Variants in SORBS3 observed in about 807,000 individuals in gnomAD.
SORBS3 encodes sorbin and SH3 domain containing 3.
A neutral mutation model predicts 98.0 loss-of-function variants in SORBS3; 69 were observed. That is an observed-to-expected ratio of 0.70 (90% CI 0.58 to 0.86). SORBS3 has a LOEUF of 0.86. SORBS3 is among the 40% of genes least tolerant of loss of function. The pLI, the probability that SORBS3 is intolerant of heterozygous loss-of-function variation, is 0.00. For missense variants in SORBS3, 954 were observed against 908.5 expected (o/e 1.05, Z -0.64); for synonymous variants, 394 against 355.4 (o/e 1.11, Z -1.22).
In SORBS3 at chr8:22,556,634, T is replaced by C. The variant is rs993044758; in HGVS notation, c.221-81T>C. The C allele has an allele frequency of 2.6e-5, 33 of 1,250,276 alleles. No individual in the cohort carries two copies. In the South Asian group the frequency reaches 3.8e-4, roughly 15 times the overall value. 77.4% of individuals were successfully genotyped at this position (1,250,276 alleles called of 1,614,324 possible). A position where few individuals can be genotyped will look rare whatever the true frequency, so the allele number is the denominator to read the frequency against. ...GAAACTTTGAACCCACAGAGATCCA[T>C]GCTCTGAGGAGCTAAGGGACACACA... On this transcript the variant is annotated intron_variant, in intron 3 of 20. Coordinates refer to ENST00000240123, the MANE Select transcript of SORBS3 (RefSeq NM_005775.5).
chr8:22,553,173 C>T (rs962821863), intron 1 of SORBS3, among the ~76,000 whole-genome samples: 1 of 152,154 alleles, frequency 6.6e-6, no homozygotes, highest in Non-Finnish European at 1.5e-5. Context: ...CACTGTTCAG[C>T]TGACACCCCT....
chr8:22,573,205 C>T (rs571636102), intron 20 of SORBS3: 1 of 410,906 alleles, frequency 2.4e-6, no homozygotes, highest in South Asian at 1.8e-5. Flanking sequence ...GACCATTAAG[C>T]ACTAGCCTGT....
chr8:22,558,915 A>G (rs759154017), intron 5 of SORBS3, among the ~76,000 whole-genome samples: 2 of 152,216 alleles, frequency 1.3e-5, no homozygotes, highest in Non-Finnish European at 2.9e-5. Context: ...AGGTAGAAGC[A>G]TGTTCTGGAC....
At chr8:22,573,282 G>C (rs1481657604) in intron 20 of SORBS3, 1 of 453,778 alleles carries the variant, frequency 2.2e-6, no homozygotes, top group Non-Finnish European at 4.4e-6. Context: ...CAAATTTACT[G>C]GATACACTTT....
rs760874149 is a variant in SORBS3 at position 22,572,430 on chromosome 8, C to T, written c.1938C>T (p.Asp646=). The change falls in exon 20 of 21, where the codon GAC becomes GAT. Residue 646 remains aspartate, a synonymous_variant. Coordinates refer to ENST00000240123, the MANE Select transcript of SORBS3 (RefSeq NM_005775.5). ...GDRVDVMQQC[D]DGWFVGVSRR... ...GGGTGGATGTCATGCAGCAGTGTGA[C>T]GATGGCTGGTTTGTGGGTATGTGGG... The T allele has an allele frequency of 9.3e-6, 15 of 1,613,536 alleles. No individual in the cohort carries two copies. Among genetic ancestry groups the T allele is most frequent in the South Asian group, 2.2e-5 (2 of 91,084 alleles).
In SORBS3 at chr8:22,554,407, A is replaced by G; in HGVS notation, c.-55-45A>G. On this transcript the variant is annotated intron_variant, in intron 1 of 20. Transcript: ENST00000240123. This position sits in a 1 kb window ranked among gnomAD's most constrained non-coding sequence, Gnocchi z 6.5. ...AGGGTCGAGCCAAGAGGGCATGGGC[A>G]GCCTAGCCTAGCAGGGCTTTCCCTT... is the stretch of plus-strand genomic sequence containing the variant. The G allele has an allele frequency of 6.6e-7, 1 of 1,513,364 alleles. No individual in the cohort carries two copies. Among genetic ancestry groups the G allele is most frequent in the Non-Finnish European group, 8.8e-7 (1 of 1,138,188 alleles). The allele number at this position is 1,513,364 out of a possible 1,614,324, so 93.7% of individuals were successfully genotyped here.
In SORBS3 at chr8:22,554,747, CA is replaced by C; in HGVS notation, c.103-112del. The C allele has an allele frequency of 7.3e-7, 1 of 1,373,114 alleles. No homozygotes were observed. The highest frequency in any genetic ancestry group is 2.2e-4 in the Middle Eastern group (1 of 4,474). The allele number at this position is 1,373,114 out of a possible 1,614,324, so 85.1% of individuals were successfully genotyped here. The stretch of plus-strand genomic sequence containing the variant: ...TCTGGGGGGCCTCGCTGGTTTCCCA[CA>C]AAATCGTCAGGCGGGCCTGGGACTG... On this transcript the variant is annotated intron_variant, in intron 2 of 20. Coordinates refer to ENST00000240123, the MANE Select transcript of SORBS3 (RefSeq NM_005775.5). This position sits in a 1 kb window ranked among gnomAD's most constrained non-coding sequence, Gnocchi z 6.5.
upstream of SORBS3, among the ~76,000 whole-genome samples, chr8:22,548,067 G>A (rs980731059): frequency 9.2e-5 from 14 of 152,322 alleles, no homozygotes; most frequent in African/African-American, 3.4e-4. Flanking sequence ...CTGGCTGTCA[G>A]GCCCCAATAC....
At chr8:22,549,716 T>TC (rs1206397593), upstream of SORBS3, among the ~76,000 whole-genome samples, 1 of 152,132 alleles carries the variant, frequency 6.6e-6, no homozygotes, top group African/African-American at 2.4e-5. Flanking sequence ...AGCTCAGGTC[T>TC]CCCGTAGACC....
chr8:22,565,162 C>A, intron 10 of SORBS3, 106 bp from the exon 11 acceptor site: 1 of 1,480,474 alleles, frequency 6.8e-7, no homozygotes, highest in Non-Finnish European at 9.1e-7. Flanking sequence ...CCTGCCCTTA[C>A]GCCGGCCCGG....
At chr8:22,565,402 G>A in intron 11 of SORBS3, 48 bp downstream of exon 11, 2 of 1,447,614 alleles carry the variant, frequency 1.4e-6, no homozygotes, top group East Asian at 2.8e-5. Context: ...CGACCGCAGG[G>A]TCGGGGCGAG....
intron 17 of SORBS3, 31 bp downstream of exon 17, chr8:22,569,304 G>A (rs779727340): frequency 6.5e-7 from 1 of 1,549,646 alleles, no homozygotes. Flanking sequence ...AGGGGTGGGT[G>A]GGGGCAGGTG....
At chr8:22,558,247 G>A (rs548751986) in intron 5 of SORBS3, 55 bp downstream of exon 5, 3 of 1,537,336 alleles carry the variant, frequency 2.0e-6, no homozygotes, top group East Asian at 2.2e-5. Flanking sequence ...GGCCCCTGGG[G>A]CTTGGAGAGA....
Position 22,564,032 on chromosome 8 carries a change from C to T in SORBS3, c.630C>T (p.Asn210=), listed in dbSNP as rs775360434. 6 of 1,613,916 alleles carry T rather than the reference C, an allele frequency of 3.7e-6. No homozygotes were observed. The highest frequency in any genetic ancestry group is 5.1e-6 in the Non-Finnish European group (6 of 1,180,026). Residue 210 remains asparagine (N), a synonymous_variant, in exon 8 of 21, where the codon AAC becomes AAT. Coordinates refer to ENST00000240123, the MANE Select transcript of SORBS3 (RefSeq NM_005775.5). ...AAGAGTTACCTAGAAGCACCTTCAACTACAGACCTGGAGCATTCTCCACTG... is the reference window on the plus strand; with the variant it reads ...AAGAGTTACCTAGAAGCACCTTCAATTACAGACCTGGAGCATTCTCCACTG... The part of the protein sequence containing the change: ...HSEELPRSTF[N]YRPGAFSTVL...
At chr8:22,564,435 C>T (rs1840361913) in intron 9 of SORBS3, 33 bp from the exon 10 acceptor site, 1 of 1,613,890 alleles carries the variant, frequency 6.2e-7, no homozygotes, top group African/African-American at 1.3e-5. Flanking sequence ...AAAGTGAGTT[C>T]ACCTGCTCTG....
intron 19 of SORBS3, 28 bp downstream of exon 19, chr8:22,571,849 A>G (rs1330139402): frequency 9.4e-6 from 14 of 1,497,138 alleles, no homozygotes; most frequent in Non-Finnish European, 1.3e-5. Context: ...GCTCTTGATC[A>G]GACGTGGGGG....
chr8:22,558,058 A>G, intron 4 of SORBS3, 71 bp from the exon 5 acceptor site: 1 of 1,509,116 alleles, frequency 6.6e-7, no homozygotes, highest in Non-Finnish European at 9.2e-7. Context: ...TCACTAGGGA[A>G]AGATTTTTGT....
chr8:22,574,640 A>T, intron 20 of SORBS3, 27 bp from the exon 21 acceptor site: 1 of 1,611,526 alleles, frequency 6.2e-7, no homozygotes, highest in Non-Finnish European at 8.5e-7. Context: ...GGAGTGGGGA[A>T]AGCTCTTCCT....
chr8:22,565,219 AC>A (rs1840380402), intron 10 of SORBS3, 48 bp from the exon 11 acceptor site: 4 of 1,497,316 alleles, frequency 2.7e-6, no homozygotes, highest in Non-Finnish European at 2.7e-6. Context: ...GCTGCCTCCC[AC>A]CCCCACGGTG....
Sources: gnomAD v4.1 joint callset for allele counts (sites outside exome capture counted in the v4.1 genomes callset) on GRCh38, gnomAD v4.1.1 for gene constraint, Gnocchi (gnomAD v3.1) non-coding constraint, MANE v1.5 for transcripts, NCBI Gene and HGNC (gene_info 2026-07-23, HGNC 2026-07-21) for gene names.